PTPRA: variants seen among roughly 807,000 people sequenced by gnomAD.
PTPRA encodes the protein protein tyrosine phosphatase receptor type A.
Under a neutral mutation model 104.8 loss-of-function variants are expected in PTPRA, and 25 were observed. The ratio of observed to expected loss-of-function variants is 0.24; its 90% CI spans 0.17 to 0.33. The LOEUF (loss-of-function observed/expected upper bound fraction) is 0.33. Among genes scored for constraint, PTPRA ranks in the 10% least tolerant of loss-of-function variants. The probability of loss-of-function intolerance (pLI) is 1.00; values close to 1 mark genes in which losing one functional copy is unlikely to be tolerated. For synonymous variants in PTPRA, 323 were observed against 368.9 expected (o/e 0.88, Z 1.43); for missense variants, 765 against 1,015.3 (o/e 0.75, Z 3.35).
chr20:3,007,259 CA>C, intron 10 of PTPRA, 84 bp from the exon 11 acceptor site: 1 of 1,320,370 alleles, frequency 7.6e-7, no homozygotes. Flanking sequence ...CACATAGGCA[CA>C]GATGTCTCAA....
chr20:2,878,976 A>T (rs1025424135), intron 1 of PTPRA, among the ~76,000 whole-genome samples: 1 of 152,264 alleles, frequency 6.6e-6, no homozygotes, highest in Non-Finnish European at 1.5e-5. Flanking sequence ...TCATAGCAGT[A>T]TAAAATATAA....
chr20:2,984,610 C>A (rs1444917704), intron 6 of PTPRA, among the ~76,000 whole-genome samples: 9 of 152,184 alleles, frequency 5.9e-5, no homozygotes, highest in Admixed American at 5.9e-4. Flanking sequence ...TTATATATCT[C>A]CTCTGTTCAA....
chr20:2,882,975 C>CTTTTTTTTT (rs752857166), intron 1 of PTPRA, among the ~76,000 whole-genome samples: 1 of 113,688 alleles, frequency 8.8e-6, no homozygotes, highest in Non-Finnish European at 1.8e-5. Flanking sequence ...AAATCCAACA[C>CTTTTTTTTT]TTTTTTTTTT....
intron 3 of PTPRA, among the ~76,000 whole-genome samples, chr20:2,957,282 C>T (rs1600171363): frequency 6.6e-6 from 1 of 152,022 alleles, no homozygotes; most frequent in East Asian, 1.9e-4. Flanking sequence ...GAGACTCCGT[C>T]TCAAATAATA....
chr20:2,965,270 T>C (rs2061903922), intron 5 of PTPRA, 68 bp downstream of exon 5: 1 of 1,417,958 alleles, frequency 7.1e-7, no homozygotes, highest in Non-Finnish European at 9.5e-7. Flanking sequence ...ATCTTGTTTG[T>C]GTTTTCTAGC....
chr20:3,032,544 G>A (rs2065522517), intron 20 of PTPRA, among the ~76,000 whole-genome samples: 1 of 151,950 alleles, frequency 6.6e-6, no homozygotes, highest in South Asian at 2.1e-4. Context: ...AAGGTGGGCG[G>A]ATCACAAAGT....
intron 6 of PTPRA, among the ~76,000 whole-genome samples, chr20:2,978,911 C>T (rs2062556047): frequency 6.6e-6 from 1 of 152,176 alleles, no homozygotes; most frequent in South Asian, 2.1e-4. Context: ...ACTGCCTGAG[C>T]GTAGGAAGCT....
intron 14 of PTPRA, among the ~76,000 whole-genome samples, chr20:3,021,656 T>C (rs928195286): frequency 1.4e-4 from 21 of 152,226 alleles, no homozygotes; most frequent in Non-Finnish European, 1.5e-5. Flanking sequence ...CATTTAGATA[T>C]GACCAAGCAC....
At chr20:2,886,733 G>C (rs1187027895) in intron 1 of PTPRA, among the ~76,000 whole-genome samples, 1 of 150,494 alleles carries the variant, frequency 6.6e-6, no homozygotes, top group Non-Finnish European at 1.5e-5. Flanking sequence ...GTGCATACCT[G>C]TAATCCCAGC....
chr20:3,037,098 A>G lies in PTPRA; in HGVS notation c.2199-56A>G, dbSNP rs1464062136. 6.3e-7 allele frequency: 1 copy of G among 1,585,094 alleles called. No individual in the cohort carries two copies. Among genetic ancestry groups the G allele is most frequent in the Non-Finnish European group, 8.6e-7 (1 of 1,163,970 alleles). ...CTTCTGCCACTCACCACTGTCACTC[A>G]CCCCCTTGCACAGAGGGCCATCACA... is the stretch of plus-strand genomic sequence containing the variant. On this transcript the variant is annotated intron_variant, in intron 22 of 23. Transcript: ENST00000399903. The surrounding 1 kb of genome is among the most constrained non-coding windows in gnomAD (Gnocchi z 4.3).
Position 3,004,023 on chromosome 20 carries a change from A to AT in PTPRA, c.739-1031dup, listed in dbSNP as rs576140253. On this transcript the variant is annotated intron_variant, in intron 9 of 23. Transcript: ENST00000399903. ...TTGTTCCAATTTTATGTATTTATTT[A>AT]TTATTTATTTTTGAGACGGAGTCTC... Among the ~76,000 whole-genome samples the AT allele has an allele frequency of 1.8e-3, 278 of 152,160 alleles. 1 individual carries two copies. The highest frequency in any genetic ancestry group is 4.7e-3 in the Admixed American group (72 of 15,292).
At chr20:2,885,343 T>G (rs758111507) in intron 1 of PTPRA, among the ~76,000 whole-genome samples, 5 of 152,198 alleles carry the variant, frequency 3.3e-5, no homozygotes, top group Non-Finnish European at 7.4e-5. Flanking sequence ...ATTTGACACA[T>G]GAAAACCTTA....
In PTPRA at chr20:3,022,001, A is replaced by C. The variant is rs533935969; in HGVS notation, c.1162-53A>C. 24 of 1,602,852 alleles carry C rather than the reference A, an allele frequency of 1.5e-5. No homozygotes were observed. Among genetic ancestry groups the C allele is most frequent in the Non-Finnish European group, 2.0e-5 (24 of 1,172,020 alleles). ...CAGCTGTCACCTTCCCTCCCCTGGT[A>C]CTGCCCACCCTTGGGTATCAGGGCC... On this transcript the variant is annotated intron_variant, in intron 14 of 23. Transcript: ENST00000399903. The surrounding 1 kb of genome is among the most constrained non-coding windows in gnomAD (Gnocchi z 4.6).
intron 13 of PTPRA, among the ~76,000 whole-genome samples, chr20:3,019,316 A>T (rs958027885): frequency 6.7e-6 from 1 of 149,942 alleles, no homozygotes; most frequent in Non-Finnish European, 1.5e-5. Context: ...CACTTCCCAG[A>T]CGGGGTGGCT....
intron 1 of PTPRA, among the ~76,000 whole-genome samples, chr20:2,883,225 C>T (rs1568637814): frequency 6.6e-6 from 1 of 152,078 alleles, no homozygotes. Context: ...CTTCTGGTCC[C>T]AAGCATTTCA....
rs138542922 is a variant in PTPRA at position 2,904,542 on chromosome 20, G to A, written c.-128-18665G>A. On this transcript the variant is annotated intron_variant, in intron 1 of 23. Transcript: ENST00000399903. ...AAATTAGCCGGGCATGGTAGCGGAT[G>A]CCTGCGGTCCCAGCTACTCGGGAGG... 3.8e-3 allele frequency among the ~76,000 whole-genome samples: 572 copies of A among 151,730 alleles called. 7 individuals are homozygous for A. Among genetic ancestry groups the A allele is most frequent in the African/African-American group, 0.013 (525 of 41,360 alleles).
At chr20:3,033,653 G>A (rs2065635593) in intron 20 of PTPRA, among the ~76,000 whole-genome samples, 1 of 152,034 alleles carries the variant, frequency 6.6e-6, no homozygotes, top group Admixed American at 6.6e-5. Flanking sequence ...TGTAATCCCA[G>A]CACTTTGGGA....
intron 1 of PTPRA, among the ~76,000 whole-genome samples, chr20:2,897,067 C>A (rs1423207746): frequency 6.6e-6 from 1 of 152,206 alleles, no homozygotes; most frequent in Non-Finnish European, 1.5e-5. Flanking sequence ...GTTCTTCTCA[C>A]TGCATCGTAT....
At chr20:2,909,850 T>G (rs1158344458) in intron 1 of PTPRA, among the ~76,000 whole-genome samples, 1 of 126,900 alleles carries the variant, frequency 7.9e-6, no homozygotes, top group African/African-American at 3.2e-5. Flanking sequence ...TAATATAAGA[T>G]AATATATATT....
Sources: allele counts gnomAD v4.1 joint callset (sites outside exome capture counted in the v4.1 genomes callset), GRCh38; gene constraint gnomAD v4.1.1; non-coding constraint Gnocchi (gnomAD v3.1); transcripts MANE v1.5; gene names NCBI Gene and HGNC (gene_info 2026-07-23, HGNC 2026-07-21).